Variants in GPM6A observed in about 807,000 individuals in gnomAD.
The protein encoded by GPM6A is neuronal membrane glycoprotein M6-a.
A neutral mutation model predicts 32.1 loss-of-function variants in GPM6A; 7 were observed. That is an observed-to-expected ratio of 0.22 (90% CI 0.12 to 0.41). The LOEUF is 0.41. Ranked by LOEUF, GPM6A falls within the 10% of genes least tolerant of loss-of-function variation. The pLI is 1.00. For synonymous variants in GPM6A, 130 were observed against 123.4 expected (o/e 1.05, Z -0.35); for missense variants, 235 against 347.2 (o/e 0.68, Z 2.57).
At chr4:175,896,371 C>T (rs1251621711) in intron 1 of GPM6A, among the ~76,000 whole-genome samples, 1 of 152,032 alleles carries the variant, frequency 6.6e-6, no homozygotes, top group Non-Finnish European at 1.5e-5. Flanking sequence ...CTAAATGCAC[C>T]AGAAAATTAT....
At chr4:175,834,090 A>G (rs1735693211) in intron 1 of GPM6A, among the ~76,000 whole-genome samples, 1 of 152,156 alleles carries the variant, frequency 6.6e-6, no homozygotes. Context: ...AAGCAGAGGC[A>G]GCACTGCCAA....
At chr4:175,737,938 CTT>C (rs796345427) in intron 1 of GPM6A, among the ~76,000 whole-genome samples, 79 of 139,734 alleles carry the variant, frequency 5.7e-4, no homozygotes, top group Middle Eastern at 3.7e-3. Context: ...CACTAGGTCC[CTT>C]TTTTTTTTTT....
intron 1 of GPM6A, among the ~76,000 whole-genome samples, chr4:175,889,940 T>G (rs914575664): frequency 6.6e-6 from 1 of 151,958 alleles, no homozygotes; most frequent in Non-Finnish European, 1.5e-5. Context: ...CCAAAACATG[T>G]GAAAACACAC....
At chr4:175,725,002 C>T (rs936973595) in intron 1 of GPM6A, among the ~76,000 whole-genome samples, 1 of 152,154 alleles carries the variant, frequency 6.6e-6, no homozygotes, top group Non-Finnish European at 1.5e-5. Context: ...CCTTACATAT[C>T]TCCTGAACTA....
intron 1 of GPM6A, among the ~76,000 whole-genome samples, chr4:175,846,504 G>A (rs895562570): frequency 2.2e-4 from 34 of 152,196 alleles, no homozygotes; most frequent in African/African-American, 7.7e-4. Context: ...AGGTTGTAAA[G>A]CCTTTAACGT....
At chr4:175,950,618 AGGACAATCTGCTGCAG>A (rs1739775650) in intron 1 of GPM6A, among the ~76,000 whole-genome samples, 1 of 152,194 alleles carries the variant, frequency 6.6e-6, no homozygotes, top group African/African-American at 2.4e-5. Context: ...AAAAGAACCT[AGGACAATCTGCTGCAG>A]TCAACAGATT....
At chr4:175,645,838 A>G (rs1433717431) in intron 4 of GPM6A, among the ~76,000 whole-genome samples, 1 of 152,216 alleles carries the variant, frequency 6.6e-6, no homozygotes, top group Non-Finnish European at 1.5e-5. Context: ...CTACTATGAA[A>G]TATAAATGCT....
At chr4:175,704,207 C>T (rs1430613179) in intron 1 of GPM6A, among the ~76,000 whole-genome samples, 1 of 152,022 alleles carries the variant, frequency 6.6e-6, no homozygotes, top group Non-Finnish European at 1.5e-5. Flanking sequence ...CCATCTGCCC[C>T]AGAGGAGGTT....
chr4:175,812,691 G>T, upstream of GPM6A: 1 of 985,794 alleles, frequency 1.0e-6, no homozygotes, highest in Non-Finnish European at 1.2e-6. Context: ...AACAGATGGA[G>T]GGGTGTCCTC....
chr4:175,653,432 T>C (rs1256532857), intron 3 of GPM6A, among the ~76,000 whole-genome samples: 1 of 152,120 alleles, frequency 6.6e-6, no homozygotes, highest in Non-Finnish European at 1.5e-5. Flanking sequence ...GAAATGCTAA[T>C]AGTTGGGGTC....
chr4:175,898,865 G>T (rs892385561), intron 1 of GPM6A, among the ~76,000 whole-genome samples: 1 of 152,094 alleles, frequency 6.6e-6, no homozygotes, highest in African/African-American at 2.4e-5. Flanking sequence ...GAACCTATAG[G>T]TCACAAGGAT....
chr4:175,936,491 G>T (rs758916774), intron 1 of GPM6A, among the ~76,000 whole-genome samples: 2 of 152,076 alleles, frequency 1.3e-5, no homozygotes, highest in South Asian at 4.2e-4. Flanking sequence ...GAGCAGTTGG[G>T]ATTGCTCTAC....
intron 1 of GPM6A, among the ~76,000 whole-genome samples, chr4:175,950,130 A>C (rs1249785623): frequency 1.3e-5 from 2 of 152,202 alleles, no homozygotes; most frequent in Non-Finnish European, 2.9e-5. Flanking sequence ...ACAAAATTAT[A>C]TACACTTTGA....
chr4:175,798,812 C>T (rs763421248), intron 1 of GPM6A: 6 of 151,934 alleles, frequency 3.9e-5, no homozygotes, highest in Non-Finnish European at 8.8e-5. Context: ...TTCTTAGTGT[C>T]CCATTTTCTC....
intron 3 of GPM6A, among the ~76,000 whole-genome samples, chr4:175,666,024 T>G (rs970201762): frequency 2.6e-5 from 4 of 151,154 alleles, no homozygotes; most frequent in African/African-American, 9.7e-5. Flanking sequence ...GTTCAAGCAA[T>G]TCTCCTGCCT....
At chr4:175,770,688 C>T (rs1733151546) in intron 1 of GPM6A, among the ~76,000 whole-genome samples, 2 of 152,148 alleles carry the variant, frequency 1.3e-5, no homozygotes, top group Non-Finnish European at 2.9e-5. Flanking sequence ...ATTCCAACAT[C>T]CCTGCCAGCC....
chr4:175,968,730 G>A (rs1396571857), intron 1 of GPM6A, among the ~76,000 whole-genome samples: 3 of 152,072 alleles, frequency 2.0e-5, no homozygotes, highest in East Asian at 1.9e-4. Context: ...AATAAGATAC[G>A]TTTACACACT....
At chr4:175,816,028 T>C (rs1286732511), upstream of GPM6A, among the ~76,000 whole-genome samples, 1 of 151,974 alleles carries the variant, frequency 6.6e-6, no homozygotes, top group African/African-American at 2.4e-5. Flanking sequence ...TTACAGACAC[T>C]TTAAAAAAAC....
chr4:175,648,062 C>T (rs146377048), intron 4 of GPM6A, among the ~76,000 whole-genome samples: 233 of 151,984 alleles, frequency 1.5e-3, no homozygotes, highest in Non-Finnish European at 2.7e-3. Flanking sequence ...ATTTTAACCA[C>T]ATATTTATGC....
Sources: allele counts gnomAD v4.1 joint callset (sites outside exome capture counted in the v4.1 genomes callset), GRCh38; gene constraint gnomAD v4.1.1; transcripts MANE v1.5; gene names NCBI Gene and HGNC (gene_info 2026-07-23, HGNC 2026-07-21).